The following PCDHA9 variants were observed in gnomAD, a reference collection of about 807,000 sequenced individuals.
PCDHA9 encodes the protein protocadherin alpha 9, also known as protocadherin alpha-9.
In PCDHA9, 62 loss-of-function variants were observed where a neutral mutation model predicts 62.0. That is an observed-to-expected ratio of 1.00 (90% CI 0.81 to 1.23). The LOEUF (loss-of-function observed/expected upper bound fraction) is 1.23, where lower values mean the gene tolerates loss of function less well. PCDHA9 is among the 50% of genes most tolerant of loss of function. PCDHA9 has a pLI of 0.00. For missense variants in PCDHA9, 1,205 were observed against 1,249.8 expected, an observed-to-expected ratio of 0.96 and a Z score of 0.54; for synonymous variants, 557 against 567.6, an observed-to-expected ratio of 0.98 and a Z score of 0.27.
At chr5:140,851,402 T>C (rs2042052947) in intron 1 of PCDHA9, 2 of 969,750 alleles carry the variant, frequency 2.1e-6, no homozygotes. Flanking sequence ...ATTATTTTAA[T>C]AAGAAAGAAA....
At chr5:140,969,139 C>T (rs1407003944) in intron 1 of PCDHA9, 5 of 1,614,064 alleles carry the variant, frequency 3.1e-6, no homozygotes, top group Non-Finnish European at 4.2e-6. Context: ...CCAAGACCTA[C>T]TGCTACAAGG....
chr5:140,927,702 C>A lies in PCDHA9; in HGVS notation c.2395-51247C>A, dbSNP rs533775539. ...AAGGGTCCAATGGGGAAGTCCAGTACTCCCTAAGCAACAGCACGCAAGCAG... is the reference window on the plus strand; with the variant it reads ...AAGGGTCCAATGGGGAAGTCCAGTAATCCCTAAGCAACAGCACGCAAGCAG... On this transcript the variant is annotated intron_variant, in intron 1 of 3. Coordinates refer to ENST00000532602, the MANE Select transcript of PCDHA9 (RefSeq NM_031857.2). 6.8e-6 allele frequency: 11 copies of A among 1,614,092 alleles called. 1 individual carries two copies. The South Asian group carries it at 1.2e-4, about 18-fold the overall frequency.
At chr5:140,851,764 C>T (rs1282695804) in intron 1 of PCDHA9, 1 of 969,228 alleles carries the variant, frequency 1.0e-6, no homozygotes, top group Non-Finnish European at 1.2e-6. Context: ...AAAACATTAC[C>T]CTTATGAATT....
intron 1 of PCDHA9, chr5:140,852,359 C>T (rs2042307858): frequency 1.5e-5 from 3 of 204,042 alleles, no homozygotes; most frequent in Non-Finnish European, 1.9e-5. Flanking sequence ...CTCACTGCAA[C>T]GTCTGCCTCC....
chr5:140,870,892 G>T, intron 1 of PCDHA9: 4 of 1,613,960 alleles, frequency 2.5e-6, no homozygotes, highest in Non-Finnish European at 3.4e-6. Flanking sequence ...GCGCGCAGTG[G>T]ATGCGGACTC....
chr5:140,939,733 C>T (rs1433987863), intron 1 of PCDHA9, among the ~76,000 whole-genome samples: 2 of 152,162 alleles, frequency 1.3e-5, no homozygotes, highest in Non-Finnish European at 2.9e-5. Flanking sequence ...TTGTGTGTAG[C>T]TGTGTATCAT....
Position 140,979,023 on chromosome 5 carries a change from C to G in PCDHA9, c.2453+16C>G, listed in dbSNP as rs2096831948. On this transcript the variant is annotated intron_variant, in intron 2 of 3. Transcript: ENST00000532602. ...GCATGCACAGGTATGTATTTCCCTC[C>G]TCATTCACTCAGAAGTAACCTTAAC... The G allele has an allele frequency of 6.2e-7, 1 of 1,613,422 alleles. No homozygotes were observed.
intron 1 of PCDHA9, among the ~76,000 whole-genome samples, chr5:140,893,595 T>C (rs13187419): frequency 0.05 from 7,691 of 152,298 alleles, 276 homozygotes; most frequent in Non-Finnish European, 0.072. Context: ...GGAAATACTT[T>C]ATTTCTCCTT....
intron 1 of PCDHA9, among the ~76,000 whole-genome samples, chr5:140,949,674 C>G (rs2153687219): frequency 6.6e-6 from 1 of 151,738 alleles, no homozygotes; most frequent in South Asian, 2.1e-4. Context: ...AAAGTATGCC[C>G]TTGTTGAAGC....
intron 1 of PCDHA9, among the ~76,000 whole-genome samples, chr5:140,880,228 A>G (rs2058273237): frequency 6.6e-6 from 1 of 152,196 alleles, no homozygotes; most frequent in Non-Finnish European, 1.5e-5. Context: ...GAACATTTAA[A>G]TTAGTGTATG....
intron 1 of PCDHA9, chr5:140,966,881 C>A: frequency 6.3e-7 from 1 of 1,589,072 alleles, no homozygotes. Context: ...GCTACCTGGC[C>A]CTGCGGCCTC....
intron 3 of PCDHA9, among the ~76,000 whole-genome samples, chr5:141,008,262 G>T (rs1178355094): frequency 6.6e-6 from 1 of 152,198 alleles, no homozygotes; most frequent in Non-Finnish European, 1.5e-5. Flanking sequence ...AGGAGACTGA[G>T]AAGTAATAGG....
intron 1 of PCDHA9, chr5:140,882,011 ATAC>A (rs1437092618): frequency 3.8e-6 from 2 of 531,314 alleles, no homozygotes; most frequent in Admixed American, 3.8e-5. Flanking sequence ...GGGCAAAAAA[ATAC>A]TACATCAATG....
intron 1 of PCDHA9, among the ~76,000 whole-genome samples, chr5:140,948,191 C>A (rs2094221032): frequency 6.6e-6 from 1 of 151,562 alleles, no homozygotes; most frequent in African/African-American, 2.4e-5. Context: ...CCCACTTAGT[C>A]ATGATATATT....
chr5:140,969,642 A>G (rs2096350693), intron 1 of PCDHA9: 1 of 206,874 alleles, frequency 4.8e-6, no homozygotes, highest in African/African-American at 2.4e-5. Context: ...GCCTTGGAAT[A>G]GGGATTATGT....
intron 3 of PCDHA9, among the ~76,000 whole-genome samples, chr5:140,982,814 A>G (rs1166333981): frequency 6.6e-6 from 1 of 151,580 alleles, no homozygotes; most frequent in Non-Finnish European, 1.5e-5. Context: ...TGTGTGTATG[A>G]AGTTTTTGGG....
At chr5:140,931,782 C>T (rs967402790) in intron 1 of PCDHA9, among the ~76,000 whole-genome samples, 9 of 151,848 alleles carry the variant, frequency 5.9e-5, no homozygotes, top group Non-Finnish European at 5.9e-5. Flanking sequence ...GTTCAATTAC[C>T]TATTGATCTG....
intron 1 of PCDHA9, chr5:140,853,694 G>A (rs1425849966): frequency 1.0e-6 from 1 of 988,064 alleles, no homozygotes; most frequent in African/African-American, 1.8e-5. Context: ...CCTTAGACCT[G>A]CTAACGCATT....
In PCDHA9 at chr5:140,946,631, T is replaced by TATAC. The variant is rs57893927; in HGVS notation, c.2395-32317_2395-32316insTACA. ...TGTGAAATATATATATATATATATA[T>TATAC]ACAATGGAATACTCATCAGCCATTA... On this transcript the variant is annotated intron_variant, in intron 1 of 3. Transcript: ENST00000532602. 2.4e-4 allele frequency among the ~76,000 whole-genome samples: 32 copies of TATAC among 131,838 alleles called. 1 individual carries two copies. The highest frequency in any genetic ancestry group is 4.2e-4 in the African/African-American group (12 of 28,706). 86.5% of individuals were successfully genotyped at this position (131,838 alleles called of 152,430 possible).
Sources: gnomAD v4.1 joint callset for allele counts (sites outside exome capture counted in the v4.1 genomes callset) on GRCh38, gnomAD v4.1.1 for gene constraint, MANE v1.5 for transcripts, NCBI Gene and HGNC (gene_info 2026-07-23, HGNC 2026-07-21) for gene names.